MBD5: variants seen among roughly 807,000 people sequenced by gnomAD.
The protein encoded by MBD5 is methyl-CpG-binding domain protein 5.
Under a neutral mutation model 117.3 loss-of-function variants are expected in MBD5, and 13 were observed. The observed-to-expected ratio is 0.11, with a 90% CI of 0.07 to 0.18. MBD5 has a LOEUF of 0.18. Among genes scored for constraint, MBD5 ranks in the 10% least tolerant of loss-of-function variants. MBD5 has a pLI of 1.00. For synonymous variants in MBD5, 727 were observed against 766.4 expected (o/e 0.95, Z 0.85); for missense variants, 1,879 against 2,093.8 (o/e 0.90, Z 2.00).
At chr2:148,095,865 C>T (rs1211934812) in intron 1 of MBD5, among the ~76,000 whole-genome samples, 1 of 151,548 alleles carries the variant, frequency 6.6e-6, no homozygotes, top group Non-Finnish European at 1.5e-5. Flanking sequence ...CCACCTTAAA[C>T]CATCTTATGT....
rs538110930 is a variant in MBD5, at chr2:148,158,780, C to G, written c.-924-19920C>G. Among the ~76,000 whole-genome samples the G allele has an allele frequency of 1.5e-4, 23 of 152,094 alleles. 1 individual carries two copies. The South Asian group carries it at 4.4e-3, about 29-fold the overall frequency. On this transcript the variant is annotated intron_variant, in intron 1 of 13. Transcript: ENST00000642680. Reference sequence around the variant, plus strand: ...TGTCTGCCAGGCTGGAGTGCAGTGGCGCAATCTCAGCTCACTGCAAGCTCC... The same window carrying G: ...TGTCTGCCAGGCTGGAGTGCAGTGGGGCAATCTCAGCTCACTGCAAGCTCC...
intron 2 of MBD5, among the ~76,000 whole-genome samples, chr2:148,198,618 T>C (rs1699054643): frequency 6.6e-6 from 1 of 152,164 alleles, no homozygotes; most frequent in African/African-American, 2.4e-5. Context: ...TTGTCATTTT[T>C]CTTATCTTTT....
intron 2 of MBD5, among the ~76,000 whole-genome samples, chr2:148,214,626 T>A (rs908291767): frequency 6.6e-6 from 1 of 152,210 alleles, no homozygotes; most frequent in Non-Finnish European, 1.5e-5. Context: ...GTTCAATTTG[T>A]TACCAGTAGC....
rs1224653719 is a variant in MBD5 at position 148,458,754 on chromosome 2, A to T, written c.-5A>T. The T allele has an allele frequency of 1.1e-5, 18 of 1,611,054 alleles. No individual in the cohort carries two copies. The highest frequency in any genetic ancestry group is 1.5e-5 in the Non-Finnish European group (18 of 1,177,464). Reference sequence around the variant, plus strand: ...TCTTTGGAGAGTCCCTAGCAGACACAGAAAATGAATGGAGGCAAAGAGTGT... The same window carrying T: ...TCTTTGGAGAGTCCCTAGCAGACACTGAAAATGAATGGAGGCAAAGAGTGT... On this transcript the variant is annotated 5_prime_UTR_variant, in exon 5 of 14. Coordinates refer to ENST00000642680, the MANE Select transcript of MBD5 (RefSeq NM_001378120.1).
intron 4 of MBD5, among the ~76,000 whole-genome samples, chr2:148,446,526 A>G (rs1265769709): frequency 1.3e-5 from 2 of 151,972 alleles, no homozygotes; most frequent in Non-Finnish European, 2.9e-5. Flanking sequence ...CTTATTCTCA[A>G]GAGTGATGAG....
At chr2:148,058,142 T>C (rs1694922539) in intron 1 of MBD5, among the ~76,000 whole-genome samples, 1 of 152,042 alleles carries the variant, frequency 6.6e-6, no homozygotes, top group African/African-American at 2.4e-5. Flanking sequence ...GGGGTCTGCA[T>C]TTTCTTTGTA....
chr2:148,225,755 C>T (rs1375626243), intron 2 of MBD5, among the ~76,000 whole-genome samples: 1 of 152,146 alleles, frequency 6.6e-6, no homozygotes, highest in Admixed American at 6.6e-5. Context: ...TTTTTTCCTT[C>T]ACCACTTTAA....
chr2:148,067,603 A>C (rs1558911731), intron 1 of MBD5, among the ~76,000 whole-genome samples: 2 of 152,320 alleles, frequency 1.3e-5, no homozygotes, highest in South Asian at 4.1e-4. Flanking sequence ...TTAAACTGCT[A>C]CCTAGAATTA....
At chr2:148,323,926 G>A (rs1177838318) in intron 3 of MBD5, among the ~76,000 whole-genome samples, 1 of 152,198 alleles carries the variant, frequency 6.6e-6, no homozygotes, top group Non-Finnish European at 1.5e-5. Flanking sequence ...CCATGCCTAT[G>A]TCTTGAATGG....
chr2:148,264,723 T>C (rs1301386984), intron 3 of MBD5: 2 of 152,180 alleles, frequency 1.3e-5, no homozygotes, highest in African/African-American at 2.4e-5. Context: ...TGTCATACCA[T>C]AGGAAAATTC....
intron 1 of MBD5, among the ~76,000 whole-genome samples, chr2:148,129,025 G>A (rs548549234): frequency 1.3e-5 from 2 of 152,222 alleles, no homozygotes; most frequent in East Asian, 1.9e-4. Context: ...TTAGGCTAGC[G>A]ATTTCAAATT....
chr2:148,469,577 C>A lies in MBD5; in HGVS notation c.1634C>A (p.Ser545Tyr). 2 of 1,613,874 alleles carry A rather than the reference C, an allele frequency of 1.2e-6. No individual in the cohort carries two copies. Among genetic ancestry groups the A allele is most frequent in the South Asian group, 1.1e-5 (1 of 91,082 alleles). ...AGCAGTGCAGCTTTTCCTACTGCAT[C>A]TGCCGGAAGTAGTTCTGTAAAGAGT... ...TPSSAAFPTASAGSSSVKSQP... is the reference protein window; with the variant it reads ...TPSSAAFPTAYAGSSSVKSQP... The change falls in exon 8 of 14, where the codon TCT (serine) becomes TAT (tyrosine). Residue 545 changes from serine (S) to tyrosine (Y), a missense_variant. Physicochemically the swap from Ser to Tyr is moderately radical, Grantham distance 144 (BLOSUM62 -2). This residue lies in a region of MBD5 where 1,666 missense variants were observed against 1,792.2 expected (regional missense o/e 0.93). Transcript: ENST00000642680.
At chr2:148,381,644 G>A (rs191572394) in intron 4 of MBD5, among the ~76,000 whole-genome samples, 83 of 152,180 alleles carry the variant, frequency 5.5e-4, no homozygotes, top group Non-Finnish European at 9.1e-4. Context: ...GCAACTCCAA[G>A]ACACATAATT....
rs398124342 is a variant in MBD5, at chr2:148,469,898, A to G, written c.1955A>G (p.Gln652Arg). ...CTAAGAGATAAGCTGATGTCTCAGC[A>G]AAAAGACGCATTGCGGAAAAGAAAA... The part of the protein sequence containing the change: ...AALRDKLMSQ[Q>R]KDALRKRKQP... Residue 652 changes from glutamine (Q) to arginine (R), a missense_variant, in exon 8 of 14, where the codon CAA becomes CGA. Gln to Arg is a conservative substitution (Grantham distance 43). Around this residue, in one of 4 missense-constraint regions of MBD5, gnomAD observed 1,666 missense variants for 1,792.2 expected, o/e 0.93. Transcript: ENST00000642680. 6.2e-6 allele frequency: 10 copies of G among 1,613,994 alleles called. No homozygotes were observed. The highest frequency in any genetic ancestry group is 1.7e-5 in the Admixed American group (1 of 60,006).
At chr2:148,510,507 G>A (rs1334059300) in intron 13 of MBD5, among the ~76,000 whole-genome samples, 1 of 152,184 alleles carries the variant, frequency 6.6e-6, no homozygotes, top group African/African-American at 2.4e-5. Context: ...GAACCAAAAA[G>A]ACAGTGGGGT....
Position 148,319,585 on chromosome 2 carries a change from A to G in MBD5, c.-679-22629A>G, listed in dbSNP as rs1408312564. On this transcript the variant is annotated intron_variant, in intron 3 of 13. Coordinates refer to ENST00000642680, the MANE Select transcript of MBD5 (RefSeq NM_001378120.1). ...TTATTGGCACATAGAAATGCTACTG[A>G]TATCTGTATGGTAATTTTGTATCCT... 3.9e-5 allele frequency among the ~76,000 whole-genome samples: 6 copies of G among 152,102 alleles called. No individual in the cohort carries two copies. The South Asian group carries it at 6.2e-4, about 16-fold the overall frequency.
intron 1 of MBD5, among the ~76,000 whole-genome samples, chr2:148,144,506 T>A (rs923416642): frequency 8.5e-5 from 13 of 152,170 alleles, no homozygotes; most frequent in Non-Finnish European, 1.2e-4. Flanking sequence ...GGTGTTTTAG[T>A]CATGAAGTCC....
intron 1 of MBD5, among the ~76,000 whole-genome samples, chr2:148,151,254 G>C (rs1574070219): frequency 6.6e-6 from 1 of 151,876 alleles, no homozygotes; most frequent in South Asian, 2.1e-4. Context: ...TTATTGATTT[G>C]CATATATTGA....
At chr2:148,108,711 G>C (rs955761562) in intron 1 of MBD5, among the ~76,000 whole-genome samples, 59 of 152,096 alleles carry the variant, frequency 3.9e-4, no homozygotes, top group African/African-American at 1.3e-3. Flanking sequence ...GTTTTTGTTT[G>C]TTTGTTTGTT....
Sources: gnomAD v4.1 joint callset for allele counts (sites outside exome capture counted in the v4.1 genomes callset) on GRCh38, gnomAD v4.1.1 for gene constraint, gnomAD v4.1.1 regional missense constraint, MANE v1.5 for transcripts, NCBI Gene and HGNC (gene_info 2026-07-23, HGNC 2026-07-21) for gene names.